LRP1B: variants seen among roughly 807,000 people sequenced by gnomAD.
LRP1B encodes the protein low-density lipoprotein receptor-related protein 1B.
A neutral mutation model predicts 556.6 loss-of-function variants in LRP1B; 217 were observed. That is an observed-to-expected ratio of 0.39 (90% confidence interval 0.35 to 0.44). LRP1B has a LOEUF of 0.44. LRP1B is among the 20% of genes least tolerant of loss of function. LRP1B has a pLI of 1.00. For missense variants in LRP1B, 5,053 were observed against 5,620.8 expected, an observed-to-expected ratio of 0.90 and a Z score of 3.23; for synonymous variants, 2,047 against 1,865.8, an observed-to-expected ratio of 1.10 and a Z score of -2.50.
At chr2:141,333,111 A>T (rs183650036) in intron 3 of LRP1B, among the ~76,000 whole-genome samples, 22 of 152,026 alleles carry the variant, frequency 1.4e-4, no homozygotes, top group Admixed American at 4.6e-4. Flanking sequence ...CATGAAGACT[A>T]ATTTTTTACA....
At chr2:141,652,248 T>C (rs1256424130) in intron 2 of LRP1B, among the ~76,000 whole-genome samples, 1 of 152,190 alleles carries the variant, frequency 6.6e-6, no homozygotes, top group Non-Finnish European at 1.5e-5. Context: ...TTAAGAGAAA[T>C]ATTGAAACAG....
At chr2:140,811,906 A>C (rs1690940869) in intron 32 of LRP1B, among the ~76,000 whole-genome samples, 1 of 152,134 alleles carries the variant, frequency 6.6e-6, no homozygotes, top group African/African-American at 2.4e-5. Context: ...ATGCTCTATA[A>C]ATAGCACAGA....
intron 3 of LRP1B, among the ~76,000 whole-genome samples, chr2:141,291,772 C>T (rs1036027564): frequency 2.8e-4 from 40 of 141,746 alleles, no homozygotes; most frequent in Admixed American, 1.6e-3. Flanking sequence ...AGGAGAATGG[C>T]GTGAACCCGG....
At chr2:141,158,813 GCTC>G (rs1391053300) in intron 7 of LRP1B, among the ~76,000 whole-genome samples, 1 of 152,042 alleles carries the variant, frequency 6.6e-6, no homozygotes, top group Non-Finnish European at 1.5e-5. Context: ...TTGAGTGCCA[GCTC>G]CTCATTTAGA....
intron 75 of LRP1B, among the ~76,000 whole-genome samples, chr2:140,354,138 G>T (rs1682102199): frequency 6.6e-6 from 1 of 151,972 alleles, no homozygotes; most frequent in Non-Finnish European, 1.5e-5. Context: ...TGTTTAGCCA[G>T]CATATTTCCC....
At chr2:142,064,056 T>G (rs931451841) in intron 1 of LRP1B, among the ~76,000 whole-genome samples, 6 of 151,628 alleles carry the variant, frequency 4.0e-5, no homozygotes, top group Non-Finnish European at 7.4e-5. Context: ...ACAAGAATGC[T>G]TTGAAGAAAA....
chr2:140,259,269 A>G (rs529148910), intron 86 of LRP1B, among the ~76,000 whole-genome samples: 1 of 152,212 alleles, frequency 6.6e-6, no homozygotes, highest in Non-Finnish European at 1.5e-5. Flanking sequence ...TTTGAGAGAC[A>G]ATCACAAAGT....
chr2:140,287,144 T>C (rs531318253), intron 84 of LRP1B, among the ~76,000 whole-genome samples: 11 of 151,956 alleles, frequency 7.2e-5, no homozygotes, highest in African/African-American at 2.6e-4. Flanking sequence ...ATTCTAGGAG[T>C]GTGAACTCAG....
intron 1 of LRP1B, among the ~76,000 whole-genome samples, chr2:142,043,483 T>G (rs903405973): frequency 4.0e-5 from 6 of 151,650 alleles, no homozygotes; most frequent in Non-Finnish European, 8.9e-5. Context: ...GATAGTAGGA[T>G]AGGTCTAAAG....
intron 43 of LRP1B, among the ~76,000 whole-genome samples, chr2:140,546,521 G>A (rs534353652): frequency 1.3e-5 from 2 of 152,182 alleles, no homozygotes; most frequent in South Asian, 4.1e-4. Context: ...TGGCAGCAGC[G>A]AGGAGAAGTG....
At chr2:141,287,518 T>C (rs541115863) in intron 3 of LRP1B, among the ~76,000 whole-genome samples, 12 of 152,176 alleles carry the variant, frequency 7.9e-5, no homozygotes, top group African/African-American at 2.9e-4. Flanking sequence ...TTTAAAGCAC[T>C]AAATTTCTCT....
At chr2:141,681,470 A>G (rs1000893648) in intron 2 of LRP1B, among the ~76,000 whole-genome samples, 1 of 151,628 alleles carries the variant, frequency 6.6e-6, no homozygotes, top group Non-Finnish European at 1.5e-5. Context: ...AATTTTCATA[A>G]TTCATCATTT....
chr2:140,651,874 A>C (rs1381578418), intron 41 of LRP1B, among the ~76,000 whole-genome samples: 1 of 152,194 alleles, frequency 6.6e-6, no homozygotes, highest in Non-Finnish European at 1.5e-5. Flanking sequence ...GGTAGAAATA[A>C]CACTGGAAAA....
chr2:141,894,865 T>C (rs1161037178), intron 1 of LRP1B, among the ~76,000 whole-genome samples: 2 of 151,278 alleles, frequency 1.3e-5, no homozygotes, highest in African/African-American at 4.9e-5. Context: ...GCCTGACCAA[T>C]ATGGAGAAAC....
chr2:141,324,959 T>C (rs1339633003), intron 3 of LRP1B, among the ~76,000 whole-genome samples: 2 of 152,042 alleles, frequency 1.3e-5, no homozygotes, highest in African/African-American at 4.8e-5. Flanking sequence ...TGGTATTGTT[T>C]CTCCTTTTCC....
At chr2:140,362,701 T>C (rs72894099) in intron 72 of LRP1B, among the ~76,000 whole-genome samples, 20,751 of 151,644 alleles carry the variant, frequency 0.14, 1,538 homozygotes, top group African/African-American at 0.19. Flanking sequence ...AGCCTTTTCA[T>C]CTATTCAGCA....
At chr2:140,549,835 C>T (rs890667644) in intron 43 of LRP1B, among the ~76,000 whole-genome samples, 7 of 151,866 alleles carry the variant, frequency 4.6e-5, no homozygotes, top group African/African-American at 1.2e-4. Flanking sequence ...GGCCTAGCAT[C>T]GGCTGTAGTG....
chr2:141,253,411 GT>G (rs767567559), intron 4 of LRP1B, among the ~76,000 whole-genome samples: 2 of 151,946 alleles, frequency 1.3e-5, no homozygotes, highest in African/African-American at 4.8e-5. Context: ...GATAATAAAT[GT>G]TTTTTTATAA....
Position 140,675,964 on chromosome 2 carries a change from G to A in LRP1B, c.6799+24286C>T, listed in dbSNP as rs183051925. Among the ~76,000 whole-genome samples the A allele has an allele frequency of 2.9e-5, 3 of 102,344 alleles. No individual in the cohort carries two copies. In the East Asian group the frequency reaches 7.0e-4, roughly 24 times the overall value. 67.1% of individuals were successfully genotyped at this position (102,344 alleles called of 152,430 possible). A position where few individuals can be genotyped will look rare whatever the true frequency, so the allele number is the denominator to read the frequency against. On this transcript the variant is annotated intron_variant, in intron 41 of 90. Coordinates refer to ENST00000389484, the MANE Select transcript of LRP1B (RefSeq NM_018557.3). Reference sequence around the variant, plus strand: ...TCTGATACAAGTTAGCATTATTGATGCAAGAAAAAAAATACAGAGAAGCTG... The same window carrying A: ...TCTGATACAAGTTAGCATTATTGATACAAGAAAAAAAATACAGAGAAGCTG...
Sources: gnomAD v4.1 joint callset for allele counts (sites outside exome capture counted in the v4.1 genomes callset) on GRCh38, gnomAD v4.1.1 for gene constraint, MANE v1.5 for transcripts, NCBI Gene and HGNC (gene_info 2026-07-23, HGNC 2026-07-21) for gene names.